The following SLC38A12 variants were observed in gnomAD, a reference collection of about 807,000 sequenced individuals.
The protein encoded by SLC38A12 is solute carrier family 38 member 12, also known as putative sodium-coupled neutral amino acid transporter 12.
At chr17:74,805,181 TC>T in the SLC38A12 span, among the ~76,000 whole-genome samples, 1 of 152,244 alleles carries the variant, frequency 6.6e-6, no homozygotes, top group Admixed American at 6.5e-5. The surrounding 1 kb of genome is among the most constrained non-coding windows in gnomAD (Gnocchi z 5.0). Flanking sequence ...ACTCTGGTCT[TC>T]CTTCAGGAAC....
At chr17:74,817,674 C>A in the SLC38A12 span, among the ~76,000 whole-genome samples, 1 of 152,270 alleles carries the variant, frequency 6.6e-6, no homozygotes, top group South Asian at 2.1e-4. Context: ...AAGCATCTGC[C>A]GAGGACAGGA....
At chr17:74,783,866 G>A in the SLC38A12 span, among the ~76,000 whole-genome samples, 1 of 151,408 alleles carries the variant, frequency 6.6e-6, no homozygotes, top group African/African-American at 2.4e-5. Flanking sequence ...GAGTAGCTGG[G>A]ATTACAGGCA....
chr17:74,780,430 T>C, the SLC38A12 span, among the ~76,000 whole-genome samples: 1 of 152,170 alleles, frequency 6.6e-6, no homozygotes, highest in Non-Finnish European at 1.5e-5. Context: ...GAGGTGAGAA[T>C]TGGAGATAAC....
At chr17:74,832,978 A>C in the SLC38A12 span, among the ~76,000 whole-genome samples, 13 of 152,176 alleles carry the variant, frequency 8.5e-5, no homozygotes, top group African/African-American at 3.1e-4. Flanking sequence ...TTATGGCTAG[A>C]AGATCATGAA....
the SLC38A12 span, among the ~76,000 whole-genome samples, chr17:74,797,005 G>A: frequency 1.3e-5 from 2 of 152,158 alleles, no homozygotes; most frequent in Admixed American, 6.5e-5. Context: ...TGAGCGGCTC[G>A]CACAGACATG....
At chr17:74,781,293 C>T in the SLC38A12 span, among the ~76,000 whole-genome samples, 2 of 152,060 alleles carry the variant, frequency 1.3e-5, no homozygotes, top group African/African-American at 4.8e-5. Flanking sequence ...GCCTAAGAAC[C>T]ATTACTTTCT....
At chr17:74,838,699 C>T in the SLC38A12 span, 2 of 1,432,920 alleles carry the variant, frequency 1.4e-6, no homozygotes, top group South Asian at 1.5e-5. Flanking sequence ...ATGAGGTCAC[C>T]TTCCTCTCCA....
chr17:74,825,923 G>GGCCACCCATCCTTGCTCGGT, the SLC38A12 span, among the ~76,000 whole-genome samples: 2 of 152,122 alleles, frequency 1.3e-5, no homozygotes, highest in Admixed American at 1.3e-4. Context: ...ACCCAGGAGG[G>GGCCACCCATCCTTGCTCGGT]GCCACCCATC....
the SLC38A12 span, among the ~76,000 whole-genome samples, chr17:74,825,248 A>C: frequency 6.6e-6 from 1 of 152,070 alleles, no homozygotes; most frequent in Non-Finnish European, 1.5e-5. Flanking sequence ...CCCACCCTCC[A>C]ACTGGGCCAC....
the SLC38A12 span, among the ~76,000 whole-genome samples, chr17:74,789,067 C>T: frequency 4.6e-5 from 7 of 152,306 alleles, no homozygotes; most frequent in African/African-American, 1.7e-4. Flanking sequence ...GCCACTTTCC[C>T]GTCTCAGCCT....
At chr17:74,784,586 C>T in the SLC38A12 span, among the ~76,000 whole-genome samples, 1 of 151,888 alleles carries the variant, frequency 6.6e-6, no homozygotes, top group Non-Finnish European at 1.5e-5. Flanking sequence ...GCAGATGATG[C>T]CAAAATAGGG....
the SLC38A12 span, among the ~76,000 whole-genome samples, chr17:74,789,035 T>C: frequency 3.9e-5 from 6 of 152,288 alleles, no homozygotes; most frequent in African/African-American, 1.4e-4. Context: ...CACCTAAATC[T>C]TAAAGCACAA....
At chr17:74,814,507 T>G in the SLC38A12 span, among the ~76,000 whole-genome samples, 1 of 152,236 alleles carries the variant, frequency 6.6e-6, no homozygotes, top group Non-Finnish European at 1.5e-5. Flanking sequence ...CTGTTTTGAT[T>G]TGATGTGTGT....
the SLC38A12 span, chr17:74,777,610 C>T: frequency 8.3e-5 from 124 of 1,487,588 alleles, no homozygotes; most frequent in African/African-American, 1.2e-3. Context: ...CAAACAAAAT[C>T]GCCATGCTGT....
At chr17:74,811,629 G>A in the SLC38A12 span, among the ~76,000 whole-genome samples, 4 of 152,060 alleles carry the variant, frequency 2.6e-5, no homozygotes, top group Non-Finnish European at 4.4e-5. Context: ...GCTGAGGCAG[G>A]ACAATCACTT....
chr17:74,831,712 C>A, the SLC38A12 span, among the ~76,000 whole-genome samples: 9 of 152,298 alleles, frequency 5.9e-5, no homozygotes, highest in Middle Eastern at 3.4e-3. Context: ...TGGGGGCCGA[C>A]CCCCCTGCAC....
the SLC38A12 span, among the ~76,000 whole-genome samples, chr17:74,824,848 G>C: frequency 3.9e-5 from 6 of 152,172 alleles, no homozygotes; most frequent in African/African-American, 1.4e-4. Flanking sequence ...AACTGCCCCA[G>C]ATTTGTTTTC....
chr17:74,795,844 A>G, the SLC38A12 span, among the ~76,000 whole-genome samples: 1 of 152,214 alleles, frequency 6.6e-6, no homozygotes, highest in African/African-American at 2.4e-5. Context: ...AGCAGGCCTC[A>G]AAGTCAAGCG....
chr17:74,790,808 T>C, the SLC38A12 span: 1 of 608,002 alleles, frequency 1.6e-6, no homozygotes, highest in Non-Finnish European at 2.8e-6. Context: ...TGTTAAACCA[T>C]GTCAAGCAGG....
Sources: allele counts gnomAD v4.1 joint callset (sites outside exome capture counted in the v4.1 genomes callset), GRCh38; gene constraint gnomAD v4.1.1; non-coding constraint Gnocchi (gnomAD v3.1); transcripts MANE v1.5; gene names NCBI Gene and HGNC (gene_info 2026-07-23, HGNC 2026-07-21).